The following TXNRD1 variants were observed in gnomAD, a reference collection of about 807,000 sequenced individuals.
The protein encoded by TXNRD1 is thioredoxin reductase 1.
TXNRD1 carries 57 observed loss-of-function variants against 80.3 expected under a neutral mutation model. The ratio of observed to expected loss-of-function variants is 0.71; its 90% confidence interval spans 0.57 to 0.89. The LOEUF is 0.89. Among genes scored for constraint, TXNRD1 ranks in the 40% least tolerant of loss-of-function variants. The pLI is 0.00. For missense variants in TXNRD1, 730 were observed against 803.0 expected (o/e 0.91, Z 1.10); for synonymous variants, 291 against 285.2 (o/e 1.02, Z -0.20).
chr12:104,330,244 G>A (rs1182527759), intron 13 of TXNRD1, among the ~76,000 whole-genome samples: 1 of 152,138 alleles, frequency 6.6e-6, no homozygotes, highest in Non-Finnish European at 1.5e-5. Flanking sequence ...ATGTTACTTT[G>A]GATCGCCTCT....
intron 1 of TXNRD1, among the ~76,000 whole-genome samples, chr12:104,240,561 GA>G (rs2032835633): frequency 6.6e-6 from 1 of 152,142 alleles, no homozygotes. Context: ...GTATAGGCAA[GA>G]GAACTTTTTA....
At chr12:104,252,661 TTTATA>T (rs147163503) in intron 2 of TXNRD1, among the ~76,000 whole-genome samples, 4,010 of 58,376 alleles carry the variant, frequency 0.069, 255 homozygotes, top group Non-Finnish European at 0.073. Context: ...TTTATTATTT[TTTATA>T]TATATATATA....
intron 4 of TXNRD1, among the ~76,000 whole-genome samples, chr12:104,293,483 G>C (rs1437970748): frequency 6.6e-6 from 1 of 152,130 alleles, no homozygotes; most frequent in Non-Finnish European, 1.5e-5. Flanking sequence ...TTTGAGACAA[G>C]GTCTGGCTCT....
chr12:104,219,759 T>C (rs948827925), intron 1 of TXNRD1, among the ~76,000 whole-genome samples: 2 of 152,160 alleles, frequency 1.3e-5, no homozygotes, highest in Non-Finnish European at 2.9e-5. Context: ...AATGTGTTTA[T>C]ATGACTCATA....
intron 3 of TXNRD1, chr12:104,288,595 G>A: frequency 2.5e-6 from 1 of 397,962 alleles, no homozygotes; most frequent in Admixed American, 4.2e-5. Context: ...CTTTTTTGAA[G>A]CTTTTCTGAA....
At chr12:104,297,320 A>G (rs1216784340) in intron 4 of TXNRD1, among the ~76,000 whole-genome samples, 2 of 151,640 alleles carry the variant, frequency 1.3e-5, no homozygotes, top group Non-Finnish European at 2.9e-5. Flanking sequence ...AAAAAAAAAA[A>G]AAGTAATATA....
At chr12:104,266,768 C>T (rs1447339654) in intron 3 of TXNRD1, among the ~76,000 whole-genome samples, 1 of 151,942 alleles carries the variant, frequency 6.6e-6, no homozygotes, top group Non-Finnish European at 1.5e-5. Context: ...TCAAGACCAT[C>T]TGGCTAACAG....
chr12:104,312,014 G>A (rs1164135265), intron 5 of TXNRD1, among the ~76,000 whole-genome samples: 3 of 137,068 alleles, frequency 2.2e-5, no homozygotes, highest in Admixed American at 7.5e-5. Context: ...GTATATATAT[G>A]TATATATACA....
In TXNRD1 at chr12:104,349,423, T is replaced by C. The variant is rs898275377; in HGVS notation, c.*1002T>C. ...AGTCTTTTCATGCTTATGATTTAGC[T>C]GTTTTGTGGTAATTGCTTTTTAAAG... On this transcript the variant is annotated 3_prime_UTR_variant, in exon 17 of 17. Coordinates refer to ENST00000525566, the MANE Select transcript of TXNRD1 (RefSeq NM_001093771.3). The C allele has an allele frequency of 3.3e-5, 5 of 152,668 alleles. No individual in the cohort carries two copies. Among genetic ancestry groups the C allele is most frequent in the African/African-American group, 1.2e-4 (5 of 41,464 alleles). The allele number at this position is 152,668 out of a possible 1,614,324, so 9.5% of individuals were successfully genotyped here. A position where few individuals can be genotyped will look rare whatever the true frequency, so the allele number is the denominator to read the frequency against.
intron 1 of TXNRD1, among the ~76,000 whole-genome samples, chr12:104,240,291 G>A (rs1029011274): frequency 1.3e-5 from 2 of 152,042 alleles, no homozygotes; most frequent in African/African-American, 4.8e-5. Flanking sequence ...CTTAAACCTT[G>A]GGGTTAAAAG....
At chr12:104,287,868 ATACT>A (rs1419868024) in intron 3 of TXNRD1, among the ~76,000 whole-genome samples, 4 of 152,222 alleles carry the variant, frequency 2.6e-5, no homozygotes, top group Non-Finnish European at 4.4e-5. Flanking sequence ...GGGCCTGGTA[ATACT>A]TACTTGTAGA....
At chr12:104,259,832 G>A (rs139095885) in intron 3 of TXNRD1, among the ~76,000 whole-genome samples, 9 of 152,152 alleles carry the variant, frequency 5.9e-5, no homozygotes, top group African/African-American at 1.9e-4. Flanking sequence ...TAGTTGTGTG[G>A]CAAGACATAT....
chr12:104,265,647 G>T lies in TXNRD1; in HGVS notation c.304+7568G>T, dbSNP rs879189660. On this transcript the variant is annotated intron_variant, in intron 3 of 16. Coordinates refer to ENST00000525566, the MANE Select transcript of TXNRD1 (RefSeq NM_001093771.3). ...CTGTCACCCAGTGCTACCGAGACAT[G>T]GGTGCCCGGCACCGCGCCCGAGCCC... The T allele has an allele frequency of 1.6e-5, 26 of 1,607,014 alleles. No individual in the cohort carries two copies. In the South Asian group the frequency reaches 2.7e-4, roughly 17 times the overall value.
intron 3 of TXNRD1, among the ~76,000 whole-genome samples, chr12:104,282,104 T>C (rs562582138): frequency 1.6e-4 from 25 of 152,208 alleles, no homozygotes; most frequent in Non-Finnish European, 3.2e-4. Context: ...TGGTCTTCAG[T>C]ATGTCTGAAG....
intron 15 of TXNRD1, among the ~76,000 whole-genome samples, chr12:104,338,558 A>G (rs1378410702): frequency 6.6e-6 from 1 of 151,182 alleles, no homozygotes; most frequent in Non-Finnish European, 1.5e-5. Context: ...TTAGCCGGGC[A>G]TGGTAGCGCC....
At chr12:104,222,906 G>A (rs529142826) in intron 1 of TXNRD1, among the ~76,000 whole-genome samples, 24 of 152,222 alleles carry the variant, frequency 1.6e-4, no homozygotes, top group African/African-American at 5.3e-4. Context: ...AGAAATGTAC[G>A]AGTTAACATG....
rs1437158062 is a variant in TXNRD1, at chr12:104,256,971, C to CTT, written c.244-1045_244-1044dup. 2.1e-4 allele frequency among the ~76,000 whole-genome samples: 19 copies of CTT among 89,906 alleles called. 2 individuals are homozygous for CTT. Among genetic ancestry groups the CTT allele is most frequent in the African/African-American group, 2.9e-4 (7 of 23,816 alleles). 59.0% of individuals were successfully genotyped at this position (89,906 alleles called of 152,430 possible). On this transcript the variant is annotated intron_variant, in intron 2 of 16. Transcript: ENST00000525566. ...TTAGAATGAGATGAGAATATATTTT[C>CTT]TTTTCTTTTTTTTTTTTTTTCAAGA... is the stretch of plus-strand genomic sequence containing the variant.
chr12:104,334,171 C>G (rs552395386), intron 14 of TXNRD1, 66 bp from the exon 15 acceptor site: 9 of 677,022 alleles, frequency 1.3e-5, no homozygotes, highest in Admixed American at 3.7e-5. Context: ...TGTCTTTCAC[C>G]ATATATGTTT....
chr12:104,222,350 C>T (rs569843453), intron 1 of TXNRD1, among the ~76,000 whole-genome samples: 8 of 151,490 alleles, frequency 5.3e-5, no homozygotes, highest in East Asian at 1.9e-4. Context: ...GTATGGTTTT[C>T]GAAACGTTAA....
Sources: gnomAD v4.1 joint callset for allele counts (sites outside exome capture counted in the v4.1 genomes callset) on GRCh38, gnomAD v4.1.1 for gene constraint, MANE v1.5 for transcripts, NCBI Gene and HGNC (gene_info 2026-07-23, HGNC 2026-07-21) for gene names.